The following ZFR variants were observed in gnomAD, a reference collection of about 807,000 sequenced individuals.
The protein encoded by ZFR is zinc finger RNA binding protein, also known as zinc finger RNA-binding protein.
Under a neutral mutation model 130.7 loss-of-function variants are expected in ZFR, and 19 were observed. The observed-to-expected ratio is 0.15, with a 90% CI of 0.10 to 0.21. ZFR has a LOEUF of 0.21. Among genes scored for constraint, ZFR ranks in the 10% least tolerant of loss-of-function variants. ZFR has a pLI of 1.00. For synonymous variants in ZFR, 466 were observed against 456.9 expected, an observed-to-expected ratio of 1.02 and a Z score of -0.25; for missense variants, 872 against 1,321.5, an observed-to-expected ratio of 0.66 and a Z score of 5.27.
chr5:32,408,077 A>G (rs1223924015), intron 5 of ZFR, among the ~76,000 whole-genome samples: 1 of 152,190 alleles, frequency 6.6e-6, no homozygotes, highest in Admixed American at 6.5e-5. Context: ...AGTAAGTTAT[A>G]ACTAAACTTG....
At position 32,403,206 on chromosome 5, in the gene ZFR, T is replaced by C. The variant is rs1464861975; in HGVS notation, c.1416A>G (p.Thr472=). The stretch of plus-strand genomic sequence containing the variant: ...ATGTGCTATTAAGAGACGAGTTTCC[T>C]GTAGTCGTAAGACCCTTCATTGAAG... ...ATSSMKGLTT[T]GNSSLNSTSN... The change falls in exon 8 of 20, where the codon ACA becomes ACG. Residue 472 remains threonine, a synonymous_variant. Transcript: ENST00000265069. 6.2e-7 allele frequency: 1 copy of C among 1,614,124 alleles called. No homozygotes were observed. The highest frequency in any genetic ancestry group is 1.1e-5 in the South Asian group (1 of 91,096).
Position 32,429,143 on chromosome 5 carries a change from G to A in ZFR, c.138-9040C>T, listed in dbSNP as rs1394492315. The stretch of plus-strand genomic sequence containing the variant: ...TGGGACTACAGGAGCCCGCCACCAC[G>A]CCCGGCTAATTTTTTTGTGTTTTTA... On this transcript the variant is annotated intron_variant, in intron 2 of 19. Coordinates refer to ENST00000265069, the MANE Select transcript of ZFR (RefSeq NM_016107.5). Among the ~76,000 whole-genome samples, 7 of 151,956 alleles carry A rather than the reference G, an allele frequency of 4.6e-5. No homozygotes were observed. The South Asian group carries it at 8.3e-4, about 18-fold the overall frequency.
intron 17 of ZFR, among the ~76,000 whole-genome samples, chr5:32,373,488 C>T (rs1402394459): frequency 6.6e-6 from 1 of 152,198 alleles, no homozygotes; most frequent in Non-Finnish European, 1.5e-5. Context: ...GCAGCCAAAA[C>T]TCTTGTGTTC....
At chr5:32,372,131 A>G (rs1245606469) in intron 17 of ZFR, among the ~76,000 whole-genome samples, 1 of 152,206 alleles carries the variant, frequency 6.6e-6, no homozygotes, top group Non-Finnish European at 1.5e-5. Context: ...ATTTGCTAAC[A>G]AGGCTGCAGG....
At chr5:32,405,783 A>G (rs991085871) in intron 6 of ZFR, among the ~76,000 whole-genome samples, 2 of 152,110 alleles carry the variant, frequency 1.3e-5, no homozygotes, top group African/African-American at 2.4e-5. Context: ...ATCCACAACA[A>G]AACTATTTCC....
chr5:32,394,476 A>G, intron 11 of ZFR: 1 of 167,172 alleles, frequency 6.0e-6, no homozygotes. Context: ...ACCTAATATG[A>G]CTCCATTTAT....
At chr5:32,399,271 TCTCAAACAAAAACAAAAA>T (rs1753387471) in intron 9 of ZFR, among the ~76,000 whole-genome samples, 1 of 105,134 alleles carries the variant, frequency 9.5e-6, no homozygotes, top group South Asian at 3.5e-4. Flanking sequence ...TAAGACTCTG[TCTCAAACAAAAACAAAAA>T]CAAAAACAAA....
chr5:32,427,052 A>G (rs549780728), intron 2 of ZFR, among the ~76,000 whole-genome samples: 1 of 152,324 alleles, frequency 6.6e-6, no homozygotes, highest in African/African-American at 2.4e-5. Context: ...TACAAAAATC[A>G]GTTGCATTCC....
intron 17 of ZFR, among the ~76,000 whole-genome samples, chr5:32,366,354 C>T (rs9654388): frequency 0.95 from 145,249 of 152,350 alleles, 69,303 homozygotes; most frequent in African/African-American, 0.98. Flanking sequence ...AGTTCAGGTA[C>T]GTCAAGACAT....
intron 19 of ZFR, among the ~76,000 whole-genome samples, chr5:32,356,550 C>T (rs1297430526): frequency 6.6e-6 from 1 of 151,142 alleles, no homozygotes; most frequent in Non-Finnish European, 1.5e-5. Context: ...GTAGCTGGGA[C>T]TACAGGTGCC....
At chr5:32,368,681 G>A (rs993200901) in intron 17 of ZFR, among the ~76,000 whole-genome samples, 1 of 152,186 alleles carries the variant, frequency 6.6e-6, no homozygotes, top group Non-Finnish European at 1.5e-5. Context: ...TCTAGCACTA[G>A]GAGTTCTGGC....
chr5:32,421,125 G>A (rs1433730985), intron 2 of ZFR, among the ~76,000 whole-genome samples: 2 of 152,100 alleles, frequency 1.3e-5, no homozygotes, highest in Non-Finnish European at 2.9e-5. Flanking sequence ...GCCTACAGAT[G>A]TTAGCATATA....
chr5:32,366,988 T>C (rs1469994453), intron 17 of ZFR, among the ~76,000 whole-genome samples: 1 of 151,974 alleles, frequency 6.6e-6, no homozygotes, highest in Non-Finnish European at 1.5e-5. Flanking sequence ...CTTGAACTCC[T>C]GGGCTCAAGT....
intron 11 of ZFR, among the ~76,000 whole-genome samples, chr5:32,391,525 C>CTTTTT (rs34370191): frequency 7.5e-6 from 1 of 134,150 alleles, no homozygotes. Context: ...GAAATCTACT[C>CTTTTT]TTTTTTTTTT....
intron 5 of ZFR, among the ~76,000 whole-genome samples, chr5:32,413,808 T>A (rs1213732672): frequency 6.6e-6 from 1 of 152,200 alleles, no homozygotes; most frequent in Non-Finnish European, 1.5e-5. Context: ...AATTCAGTAT[T>A]TTCTTGAGAT....
chr5:32,409,933 A>C (rs1753661848), intron 5 of ZFR, among the ~76,000 whole-genome samples: 1 of 152,126 alleles, frequency 6.6e-6, no homozygotes. Flanking sequence ...TGATAGTGCC[A>C]CTACACTCCA....
intron 5 of ZFR, among the ~76,000 whole-genome samples, chr5:32,412,885 G>A (rs563513211): frequency 6.6e-6 from 1 of 152,024 alleles, no homozygotes; most frequent in Non-Finnish European, 1.5e-5. Context: ...CACTTTTCTG[G>A]AGAATTAAAA....
intron 17 of ZFR, among the ~76,000 whole-genome samples, chr5:32,370,124 C>T: frequency 1.5e-5 from 2 of 134,248 alleles, no homozygotes; most frequent in Admixed American, 8.1e-5. Context: ...GATAGGGTCT[C>T]ACGATGTGCC....
intron 15 of ZFR, 89 bp from the exon 16 acceptor site, chr5:32,380,261 C>G (rs1464256916): frequency 1.1e-6 from 1 of 887,230 alleles, no homozygotes; most frequent in Non-Finnish European, 1.8e-6. Context: ...ATCAGTGTCA[C>G]ATGAGCCATT....
Sources: gnomAD v4.1 joint callset for allele counts (sites outside exome capture counted in the v4.1 genomes callset) on GRCh38, gnomAD v4.1.1 for gene constraint, MANE v1.5 for transcripts, NCBI Gene and HGNC (gene_info 2026-07-23, HGNC 2026-07-21) for gene names.